Variants in CILK1 observed in about 807,000 individuals in gnomAD.
The protein encoded by CILK1 is serine/threonine-protein kinase ICK.
Under a neutral mutation model 79.2 loss-of-function variants are expected in CILK1, and 47 were observed. That is an observed-to-expected ratio of 0.59 (90% confidence interval 0.47 to 0.76). The LOEUF is 0.76. CILK1 is among the 30% of genes least tolerant of loss of function. The probability of loss-of-function intolerance (pLI) is 0.00; values close to 1 mark genes in which losing one functional copy is unlikely to be tolerated. For missense variants in CILK1, 660 were observed against 769.5 expected (o/e 0.86, Z 1.68); for synonymous variants, 266 against 275.9 (o/e 0.96, Z 0.36).
chr6:53,003,787 T>C lies in CILK1; in HGVS notation c.*1362A>G, dbSNP rs564561641. On this transcript the variant is annotated 3_prime_UTR_variant, in exon 14 of 14. Coordinates refer to ENST00000676107, the MANE Select transcript of CILK1 (RefSeq NM_014920.5). ...CAATTTGTCATTATCCTGGAACCAA[T>C]AGAGAGTAGTTTGAGCCCTAGGAGA... 4 of 152,656 alleles carry C rather than the reference T, an allele frequency of 2.6e-5. No homozygotes were observed. The highest frequency in any genetic ancestry group is 4.8e-5 in the African/African-American group (2 of 41,544). 9.5% of individuals were successfully genotyped at this position (152,656 alleles called of 1,614,324 possible). A position where few individuals can be genotyped will look rare whatever the true frequency, so the allele number is the denominator to read the frequency against.
intron 12 of CILK1, 82 bp from the exon 13 acceptor site, chr6:53,006,519 G>C: frequency 6.7e-7 from 1 of 1,484,360 alleles, no homozygotes; most frequent in Non-Finnish European, 9.3e-7. Context: ...GCACTGCAGA[G>C]CAATAACAAA....
intron 5 of CILK1, among the ~76,000 whole-genome samples, chr6:53,029,223 C>T (rs1468886150): frequency 3.9e-5 from 6 of 152,068 alleles, no homozygotes; most frequent in Non-Finnish European, 8.8e-5. Flanking sequence ...ATTTCTTTTC[C>T]CTGAGCTCTT....
At chr6:53,014,014 G>C (rs370835442) in intron 8 of CILK1, 32 bp from the exon 9 acceptor site, 4 of 1,559,464 alleles carry the variant, frequency 2.6e-6, no homozygotes, top group Non-Finnish European at 2.6e-6. Context: ...TAGGAGAAAA[G>C]TCTAGCCAGG....
chr6:53,008,462 A>G (rs1401797823), intron 12 of CILK1, among the ~76,000 whole-genome samples: 7 of 149,822 alleles, frequency 4.7e-5, no homozygotes, highest in African/African-American at 2.5e-5. Flanking sequence ...ATCTCACTCT[A>G]TCACCCAGGT....
At chr6:53,014,975 A>G (rs1764807406) in intron 8 of CILK1, among the ~76,000 whole-genome samples, 2 of 152,206 alleles carry the variant, frequency 1.3e-5, no homozygotes, top group Non-Finnish European at 1.5e-5. Context: ...CACCACCAGA[A>G]CTGCATTCCT....
At chr6:53,036,297 T>A (rs1562030479) in intron 3 of CILK1, among the ~76,000 whole-genome samples, 1 of 152,208 alleles carries the variant, frequency 6.6e-6, no homozygotes, top group East Asian at 1.9e-4. Context: ...TTTTTTTATA[T>A]CTGATGTTTT....
chr6:53,016,503 ATAAG>A (rs1217255714), intron 7 of CILK1, among the ~76,000 whole-genome samples: 3 of 152,198 alleles, frequency 2.0e-5, no homozygotes, highest in African/African-American at 7.2e-5. Context: ...TTATCTTTAC[ATAAG>A]AGATTCTCTT....
chr6:53,027,875 CA>C (rs1233286105), intron 5 of CILK1, among the ~76,000 whole-genome samples: 3 of 152,016 alleles, frequency 2.0e-5, no homozygotes, highest in Admixed American at 2.0e-4. Context: ...GCGCCGGGCA[CA>C]GTGGCTCATG....
chr6:53,037,451 T>C (rs1242372290), intron 3 of CILK1, among the ~76,000 whole-genome samples: 2 of 152,142 alleles, frequency 1.3e-5, no homozygotes, highest in Admixed American at 6.5e-5. Context: ...TTCTACCCGC[T>C]TCTGCCTTCC....
chr6:53,020,794 C>T (rs577319693), intron 5 of CILK1, among the ~76,000 whole-genome samples: 93 of 152,258 alleles, frequency 6.1e-4, no homozygotes, highest in Non-Finnish European at 9.3e-4. Flanking sequence ...ATGTTGACAA[C>T]GCTCAAGTCT....
At chr6:53,060,286 T>C in intron 1 of CILK1, among the ~76,000 whole-genome samples, 1 of 152,212 alleles carries the variant, frequency 6.6e-6, no homozygotes. Context: ...GATTAAATGC[T>C]GAGTTCCCTT....
At chr6:53,011,715 C>T in intron 11 of CILK1, 54 bp downstream of exon 11, 1 of 1,546,972 alleles carries the variant, frequency 6.5e-7, no homozygotes, top group East Asian at 2.2e-5. Context: ...TATGTGATTC[C>T]AAGGACAGGG....
rs1216168087 is a variant in CILK1 at position 53,003,094 on chromosome 6, G to A, written c.*2055C>T. On this transcript the variant is annotated 3_prime_UTR_variant, in exon 14 of 14. Transcript: ENST00000676107. Reference sequence around the variant, plus strand: ...CATGTTCTGATGCTTTAGATAACGAGTTGAGAATATAATACAGAAATGAAT... The same window carrying A: ...CATGTTCTGATGCTTTAGATAACGAATTGAGAATATAATACAGAAATGAAT... 1 of 152,650 alleles carries A rather than the reference G, an allele frequency of 6.6e-6. No homozygotes were observed. The highest frequency in any genetic ancestry group is 1.9e-4 in the East Asian group (1 of 5,194). 9.5% of individuals were successfully genotyped at this position (152,650 alleles called of 1,614,324 possible). A position where few individuals can be genotyped will look rare whatever the true frequency, so the allele number is the denominator to read the frequency against.
At chr6:53,035,218 A>C (rs1766246746) in intron 3 of CILK1, among the ~76,000 whole-genome samples, 1 of 152,118 alleles carries the variant, frequency 6.6e-6, no homozygotes, top group Non-Finnish European at 1.5e-5. Context: ...AATGTAAGAA[A>C]AGGAAAGAGG....
At chr6:53,024,200 C>T (rs1765425553) in intron 5 of CILK1, among the ~76,000 whole-genome samples, 1 of 152,288 alleles carries the variant, frequency 6.6e-6, no homozygotes, top group South Asian at 2.1e-4. Context: ...CACCTAATGG[C>T]CTTCCTCATA....
chr6:53,020,936 C>A (rs1192849723), intron 5 of CILK1, among the ~76,000 whole-genome samples: 3 of 152,208 alleles, frequency 2.0e-5, no homozygotes, highest in Non-Finnish European at 4.4e-5. Flanking sequence ...ATCTCCCCTT[C>A]CTAACCTTTG....
At chr6:53,037,546 A>C (rs972359556) in intron 3 of CILK1, among the ~76,000 whole-genome samples, 1 of 152,200 alleles carries the variant, frequency 6.6e-6, no homozygotes, top group Non-Finnish European at 1.5e-5. Flanking sequence ...GTGGGGGTCA[A>C]TGAATTTCCT....
At chr6:53,034,100 TATGCCTGTTTGCTTAAA>T (rs1766151923) in intron 3 of CILK1, among the ~76,000 whole-genome samples, 1 of 152,252 alleles carries the variant, frequency 6.6e-6, no homozygotes, top group Non-Finnish European at 1.5e-5. Context: ...AGCTATCTTT[TATGCCTGTTTGCTTAAA>T]ACGCATCACA....
intron 5 of CILK1, among the ~76,000 whole-genome samples, chr6:53,028,905 T>C (rs1765748285): frequency 6.6e-6 from 1 of 152,068 alleles, no homozygotes; most frequent in Non-Finnish European, 1.5e-5. Flanking sequence ...GATGTTTGCA[T>C]GTGTCTGCAT....
Sources: gnomAD v4.1 joint callset for allele counts (sites outside exome capture counted in the v4.1 genomes callset) on GRCh38, gnomAD v4.1.1 for gene constraint, MANE v1.5 for transcripts, NCBI Gene and HGNC (gene_info 2026-07-23, HGNC 2026-07-21) for gene names.